The following PHACTR3 variants were observed in gnomAD, a reference collection of about 807,000 sequenced individuals.
The protein encoded by PHACTR3 is phosphatase and actin regulator 3, also known as protein phosphatase 1, regulatory subunit 123.
PHACTR3 carries 16 observed loss-of-function variants against 66.8 expected under a neutral mutation model. The observed-to-expected ratio is 0.24, with a 90% CI of 0.16 to 0.36. PHACTR3 has a LOEUF of 0.36. PHACTR3 is among the 10% of genes least tolerant of loss of function. PHACTR3 has a pLI of 1.00. For synonymous variants in PHACTR3, 323 were observed against 292.1 expected, an observed-to-expected ratio of 1.11 and a Z score of -1.08; for missense variants, 647 against 719.9, an observed-to-expected ratio of 0.90 and a Z score of 1.16.
chr20:59,677,870 A>C (rs1428134282), intron 1 of PHACTR3, among the ~76,000 whole-genome samples: 1 of 151,182 alleles, frequency 6.6e-6, no homozygotes, highest in African/African-American at 2.4e-5. Flanking sequence ...AATAATCAAG[A>C]GTGTATTGTT....
In PHACTR3 at chr20:59,808,860, G is replaced by A. The variant is rs1020593047; in HGVS notation, c.1328+2666G>A. 2.6e-5 allele frequency among the ~76,000 whole-genome samples: 4 copies of A among 152,184 alleles called. 1 individual carries two copies. The highest frequency in any genetic ancestry group is 1.3e-4 in the Admixed American group (2 of 15,278). On this transcript the variant is annotated intron_variant, in intron 8 of 12. Coordinates refer to ENST00000371015, the MANE Select transcript of PHACTR3 (RefSeq NM_080672.5). ...AACCATTGATGTTTGGGCCCAGATC[G>A]TTCTCCGTGGAGGGGCCGTCCCGTG...
intron 1 of PHACTR3, among the ~76,000 whole-genome samples, chr20:59,621,139 C>T (rs946502277): frequency 1.3e-5 from 2 of 152,368 alleles, no homozygotes; most frequent in South Asian, 2.1e-4. Context: ...CCCAGGGCCT[C>T]GCCTCTGCTG....
At chr20:59,637,480 A>T (rs1489034889) in intron 1 of PHACTR3, among the ~76,000 whole-genome samples, 1 of 152,150 alleles carries the variant, frequency 6.6e-6, no homozygotes, top group Admixed American at 6.5e-5. Flanking sequence ...AAAACATCTT[A>T]GCTCACATGA....
intron 1 of PHACTR3, among the ~76,000 whole-genome samples, chr20:59,629,891 G>A (rs2034604660): frequency 6.6e-6 from 1 of 152,180 alleles, no homozygotes; most frequent in African/African-American, 2.4e-5. Context: ...CCCCGTGATG[G>A]CATTAAATGA....
At chr20:59,729,576 A>C (rs1402335765) in intron 1 of PHACTR3, among the ~76,000 whole-genome samples, 1 of 152,126 alleles carries the variant, frequency 6.6e-6, no homozygotes, top group African/African-American at 2.4e-5. Flanking sequence ...GCACAGAGAA[A>C]GTGGTTCCTC....
chr20:59,819,184 C>T (rs1040006926), intron 8 of PHACTR3, among the ~76,000 whole-genome samples: 2 of 152,126 alleles, frequency 1.3e-5, no homozygotes, highest in African/African-American at 4.8e-5. Flanking sequence ...GCAGGAGAAT[C>T]GCTTGAGTCC....
In PHACTR3 at chr20:59,670,565, C is replaced by T. The variant is rs1018252768; in HGVS notation, c.118+65433C>T. Among the ~76,000 whole-genome samples the T allele has an allele frequency of 4.9e-5, 6 of 123,164 alleles. No homozygotes were observed. The South Asian group carries it at 1.4e-3, about 28-fold the overall frequency. 80.8% of individuals were successfully genotyped at this position (123,164 alleles called of 152,430 possible). A position where few individuals can be genotyped will look rare whatever the true frequency, so the allele number is the denominator to read the frequency against. On this transcript the variant is annotated intron_variant, in intron 1 of 12. Transcript: ENST00000371015. ...CCTCCATGTTCTCTCTGCATTTGAC[C>T]TTCTCTGGAGGGTAAATGAGGACAG...
intron 8 of PHACTR3, among the ~76,000 whole-genome samples, chr20:59,833,079 C>G (rs929572080): frequency 6.6e-6 from 1 of 152,140 alleles, no homozygotes; most frequent in African/African-American, 2.4e-5. Context: ...TCCTGGCACT[C>G]TGTAAGTAGA....
intron 1 of PHACTR3, among the ~76,000 whole-genome samples, chr20:59,708,748 A>G (rs1368482633): frequency 6.6e-6 from 1 of 152,172 alleles, no homozygotes; most frequent in Non-Finnish European, 1.5e-5. Flanking sequence ...TTCTTTATTC[A>G]GAGACTTATG....
intron 8 of PHACTR3, among the ~76,000 whole-genome samples, chr20:59,814,627 TA>T (rs2041835450): frequency 6.6e-6 from 1 of 152,134 alleles, no homozygotes; most frequent in South Asian, 2.1e-4. Flanking sequence ...TACTTCCTGT[TA>T]TCCTTGGTCC....
intron 1 of PHACTR3, among the ~76,000 whole-genome samples, chr20:59,699,878 T>C (rs1428079178): frequency 6.6e-6 from 1 of 152,078 alleles, no homozygotes; most frequent in East Asian, 1.9e-4. Context: ...AGAATAATCA[T>C]TTGAACCTGG....
At chr20:59,728,308 G>A (rs569212470) in intron 1 of PHACTR3, among the ~76,000 whole-genome samples, 4 of 152,198 alleles carry the variant, frequency 2.6e-5, no homozygotes, top group Middle Eastern at 3.4e-3. Context: ...TGGTAAGAGC[G>A]TAACATGGTG....
At position 59,845,169 on chromosome 20, in the gene PHACTR3, G is replaced by C; in HGVS notation, c.1588-20G>C. The C allele has an allele frequency of 6.9e-7, 1 of 1,452,360 alleles. No homozygotes were observed. The highest frequency in any genetic ancestry group is 9.6e-7 in the Non-Finnish European group (1 of 1,036,518). 90.0% of individuals were successfully genotyped at this position (1,452,360 alleles called of 1,614,324 possible). On this transcript the variant is annotated intron_variant, in intron 11 of 12. Transcript: ENST00000371015. ...TTTTTTTAATATCCTGTAAAACAAT[G>C]TCTTGTTTTTAAATTTCAGGCAGCA...
At chr20:59,638,979 C>T (rs959076737) in intron 1 of PHACTR3, among the ~76,000 whole-genome samples, 9 of 100,698 alleles carry the variant, frequency 8.9e-5, no homozygotes, top group East Asian at 3.5e-4. Context: ...TGATGGATGA[C>T]GGCTAGGTAG....
chr20:59,666,489 G>A (rs6092807), intron 1 of PHACTR3, among the ~76,000 whole-genome samples: 2,377 of 152,246 alleles, frequency 0.016, 64 homozygotes, highest in African/African-American at 0.054. Context: ...CTGTGGGCAG[G>A]TGGAGCAGAA....
At chr20:59,584,563 G>A (rs867141640) in intron 1 of PHACTR3, among the ~76,000 whole-genome samples, 1 of 152,180 alleles carries the variant, frequency 6.6e-6, no homozygotes, top group South Asian at 2.1e-4. Flanking sequence ...ACGTGCATGA[G>A]TGTATGTGTG....
chr20:59,797,306 TTTC>T (rs2041277140), intron 7 of PHACTR3, among the ~76,000 whole-genome samples: 2 of 152,206 alleles, frequency 1.3e-5, no homozygotes, highest in Non-Finnish European at 2.9e-5. Flanking sequence ...TTATTTTGAA[TTTC>T]TTCTCATGCG....
chr20:59,798,540 T>A (rs1048914168), intron 7 of PHACTR3, among the ~76,000 whole-genome samples: 1 of 152,218 alleles, frequency 6.6e-6, no homozygotes, highest in Non-Finnish European at 1.5e-5. Flanking sequence ...TTAATAAATA[T>A]AGGTCCATTC....
At chr20:59,728,316 G>C (rs566403074) in intron 1 of PHACTR3, among the ~76,000 whole-genome samples, 13 of 152,162 alleles carry the variant, frequency 8.5e-5, no homozygotes, top group Admixed American at 7.8e-4. Context: ...GCGTAACATG[G>C]TGCAGTCATT....
Sources: allele counts gnomAD v4.1 joint callset (sites outside exome capture counted in the v4.1 genomes callset), GRCh38; gene constraint gnomAD v4.1.1; transcripts MANE v1.5; gene names NCBI Gene and HGNC (gene_info 2026-07-23, HGNC 2026-07-21).